CCNYL1: variants seen among roughly 807,000 people sequenced by gnomAD.
The protein encoded by CCNYL1 is cyclin-Y-like protein 1.
A neutral mutation model predicts 44.2 loss-of-function variants in CCNYL1; 16 were observed. That is an observed-to-expected ratio of 0.36 (90% CI 0.25 to 0.55). CCNYL1 has a LOEUF of 0.55. Ranked by LOEUF, CCNYL1 falls within the 20% of genes least tolerant of loss-of-function variation. The pLI is 0.85. For missense variants in CCNYL1, 348 were observed against 451.8 expected (o/e 0.77, Z 2.08); for synonymous variants, 159 against 163.2 (o/e 0.97, Z 0.20).
At chr2:207,712,232 G>T in intron 1 of CCNYL1, 116 bp downstream of exon 1, 8 of 810,434 alleles carry the variant, frequency 9.9e-6, no homozygotes, top group Non-Finnish European at 1.5e-5. Context: ...AGCCGGCCCC[G>T]GGACGAAGGC....
chr2:207,728,807 C>CT (rs996584585), intron 3 of CCNYL1, among the ~76,000 whole-genome samples: 4 of 151,260 alleles, frequency 2.6e-5, no homozygotes, highest in African/African-American at 9.7e-5. Flanking sequence ...TTCTTTTTTC[C>CT]TTTTTTTTGA....
chr2:207,737,502 A>C, intron 5 of CCNYL1, 56 bp downstream of exon 5: 3 of 1,380,294 alleles, frequency 2.2e-6, no homozygotes, highest in Non-Finnish European at 3.1e-6. Flanking sequence ...GCATGATATC[A>C]AGTTCAGTAT....
chr2:207,712,094 C>T lies in CCNYL1; in HGVS notation c.198C>T (p.Ile66=). Residue 66 remains isoleucine, a synonymous_variant, in exon 1 of 10, where the codon ATC becomes ATT. Transcript: ENST00000295414. ...GCGAGGGCCACCACCTGCAGCACAT[C>T]AGCGACCGCGAGATGCCCGAAGGTA... ...GEGEGHHLQH[I]SDREMPEDLA... is the part of the protein sequence containing the mutation. The T allele has an allele frequency of 6.3e-7, 1 of 1,599,440 alleles. No individual in the cohort carries two copies. The highest frequency in any genetic ancestry group is 1.1e-5 in the South Asian group (1 of 90,468).
At chr2:207,736,598 T>A (rs552209338) in intron 4 of CCNYL1, among the ~76,000 whole-genome samples, 16 of 152,362 alleles carry the variant, frequency 1.1e-4, no homozygotes, top group African/African-American at 3.8e-4. Flanking sequence ...TAATAAATTT[T>A]CTACTAATGA....
intron 1 of CCNYL1, among the ~76,000 whole-genome samples, chr2:207,721,735 T>G (rs1323494922): frequency 3.2e-5 from 3 of 94,830 alleles, no homozygotes; most frequent in African/African-American, 2.3e-4. Flanking sequence ...GAGTTTTTTG[T>G]TTTTTTTTTT....
At chr2:207,747,327 A>C in intron 8 of CCNYL1, 114 bp downstream of exon 8, 1 of 837,068 alleles carries the variant, frequency 1.2e-6, no homozygotes. Flanking sequence ...TAATGGAAAT[A>C]GGCATAAGAC....
chr2:207,712,213 C>G, intron 1 of CCNYL1, 97 bp downstream of exon 1: 1 of 1,036,694 alleles, frequency 9.6e-7, no homozygotes, highest in Non-Finnish European at 1.4e-6. Flanking sequence ...CGGGCTCCTT[C>G]CTGCCGGTAG....
intron 5 of CCNYL1, among the ~76,000 whole-genome samples, chr2:207,739,968 A>G (rs2091796047): frequency 6.6e-6 from 1 of 152,274 alleles, no homozygotes; most frequent in African/African-American, 2.4e-5. Context: ...TTTTATTTCT[A>G]AATTTTCAAT....
intron 1 of CCNYL1, among the ~76,000 whole-genome samples, chr2:207,717,365 G>A (rs979014464): frequency 6.6e-6 from 1 of 152,162 alleles, no homozygotes; most frequent in Non-Finnish European, 1.5e-5. Context: ...AGTTTTGGGT[G>A]TGCTGAAACA....
intron 7 of CCNYL1, among the ~76,000 whole-genome samples, chr2:207,745,992 T>G (rs547125013): frequency 4.9e-4 from 75 of 152,306 alleles, no homozygotes; most frequent in Non-Finnish European, 9.0e-4. Flanking sequence ...CCCTTTGAGG[T>G]AACAGCAAAT....
chr2:207,714,824 A>G (rs1482974566), intron 1 of CCNYL1: 1 of 153,950 alleles, frequency 6.5e-6, no homozygotes, highest in African/African-American at 2.4e-5. Context: ...AGAAATCTCC[A>G]TTTCGGCATT....
intron 7 of CCNYL1, among the ~76,000 whole-genome samples, chr2:207,743,775 A>G (rs2091830315): frequency 6.6e-6 from 1 of 152,164 alleles, no homozygotes; most frequent in African/African-American, 2.4e-5. Flanking sequence ...GTAAATATTC[A>G]CTGGGTGCCT....
At chr2:207,742,903 C>T in intron 7 of CCNYL1, among the ~76,000 whole-genome samples, 1 of 152,330 alleles carries the variant, frequency 6.6e-6, no homozygotes, top group Middle Eastern at 3.4e-3. Flanking sequence ...TGCTGATTAG[C>T]TTACTAAGCT....
At chr2:207,747,264 T>C (rs770529646) in intron 8 of CCNYL1, 51 bp downstream of exon 8, 4 of 1,505,324 alleles carry the variant, frequency 2.7e-6, no homozygotes, top group South Asian at 2.4e-5. Context: ...CAGTATCTTA[T>C]TCCTATAAAG....
At chr2:207,725,729 A>G (rs991302679) in intron 2 of CCNYL1, among the ~76,000 whole-genome samples, 55 of 152,258 alleles carry the variant, frequency 3.6e-4, no homozygotes, top group African/African-American at 1.3e-3. Context: ...GGTTAGCCTC[A>G]GCAAGTGAAA....
At chr2:207,737,869 A>G (rs2091777463) in intron 5 of CCNYL1, among the ~76,000 whole-genome samples, 1 of 152,198 alleles carries the variant, frequency 6.6e-6, no homozygotes, top group South Asian at 2.1e-4. Context: ...TGTTAACATA[A>G]ATAATATTTT....
chr2:207,717,491 G>A (rs949698827), intron 1 of CCNYL1, among the ~76,000 whole-genome samples: 1 of 152,078 alleles, frequency 6.6e-6, no homozygotes, highest in African/African-American at 2.4e-5. Context: ...AGGGAGCTAG[G>A]GATAGATAAT....
intron 7 of CCNYL1, among the ~76,000 whole-genome samples, chr2:207,746,133 G>A (rs1373304231): frequency 6.6e-6 from 1 of 152,168 alleles, no homozygotes; most frequent in Non-Finnish European, 1.5e-5. Context: ...AATACCAGGG[G>A]TCCAGAGACA....
intron 1 of CCNYL1, among the ~76,000 whole-genome samples, chr2:207,717,882 A>G (rs2091608855): frequency 6.7e-6 from 1 of 149,264 alleles, no homozygotes; most frequent in South Asian, 2.1e-4. Context: ...TTGGAGGATT[A>G]TAGCCTGGGA....
Sources: gnomAD v4.1 joint callset for allele counts (sites outside exome capture counted in the v4.1 genomes callset) on GRCh38, gnomAD v4.1.1 for gene constraint, MANE v1.5 for transcripts, NCBI Gene and HGNC (gene_info 2026-07-23, HGNC 2026-07-21) for gene names.